The following IMPG1 variants were observed in gnomAD, a reference collection of about 807,000 sequenced individuals.
The protein encoded by IMPG1 is interphotoreceptor matrix proteoglycan 1, also known as interphotoreceptor matrix proteoglycan of 150 kDa.
A neutral mutation model predicts 92.0 loss-of-function variants in IMPG1; 85 were observed. The ratio of observed to expected loss-of-function variants is 0.92; its 90% confidence interval spans 0.78 to 1.11. The LOEUF is 1.11. Among genes scored for constraint, IMPG1 ranks in the 50% least tolerant of loss-of-function variants. The pLI, the probability that IMPG1 is intolerant of heterozygous loss-of-function variation, is 0.00. For missense variants in IMPG1, 1,022 were observed against 956.0 expected (o/e 1.07, Z -0.91); for synonymous variants, 367 against 334.1 (o/e 1.10, Z -1.08).
intron 12 of IMPG1, among the ~76,000 whole-genome samples, chr6:76,000,287 C>T (rs373495015): frequency 6.6e-6 from 1 of 152,154 alleles, no homozygotes; most frequent in African/African-American, 2.4e-5. Flanking sequence ...AAACTTATAA[C>T]ACATAAAATT....
chr6:75,933,594 G>A (rs1446391867), intron 14 of IMPG1, among the ~76,000 whole-genome samples: 2 of 152,102 alleles, frequency 1.3e-5, no homozygotes, highest in Non-Finnish European at 2.9e-5. Flanking sequence ...GTGGCTGCTC[G>A]TTAGCAGTTG....
intron 15 of IMPG1, among the ~76,000 whole-genome samples, chr6:75,930,304 T>A (rs912226657): frequency 1.3e-5 from 2 of 152,178 alleles, no homozygotes; most frequent in Admixed American, 1.3e-4. Flanking sequence ...GGAAACATTC[T>A]AAGTTAAAAA....
chr6:75,972,171 C>T (rs1782431574), intron 12 of IMPG1, among the ~76,000 whole-genome samples: 1 of 152,158 alleles, frequency 6.6e-6, no homozygotes, highest in African/African-American at 2.4e-5. Context: ...TTGTGCAGTA[C>T]TGTCCTGCAT....
chr6:75,965,063 T>C (rs1412244568), intron 12 of IMPG1, among the ~76,000 whole-genome samples: 1 of 152,222 alleles, frequency 6.6e-6, no homozygotes, highest in Non-Finnish European at 1.5e-5. Context: ...TAGTATTACA[T>C]TATATAGATG....
At chr6:76,005,843 T>C (rs1249504637) in intron 9 of IMPG1, among the ~76,000 whole-genome samples, 1 of 151,820 alleles carries the variant, frequency 6.6e-6, no homozygotes, top group South Asian at 2.1e-4. Context: ...TTCTTTCTTT[T>C]ATTTTTTTTT....
intron 12 of IMPG1, among the ~76,000 whole-genome samples, chr6:75,993,745 G>T (rs1229146898): frequency 6.6e-6 from 1 of 152,122 alleles, no homozygotes; most frequent in Non-Finnish European, 1.5e-5. Context: ...ATATTTTTAA[G>T]ATTTAAGATT....
At position 76,003,005 on chromosome 6, in the gene IMPG1, T is replaced by C; in HGVS notation, c.1213-9A>G. 1 of 1,605,994 alleles carries C rather than the reference T, an allele frequency of 6.2e-7. No individual in the cohort carries two copies. Among genetic ancestry groups the C allele is most frequent in the Non-Finnish European group, 8.5e-7 (1 of 1,172,798 alleles). On this transcript the variant is annotated splice_polypyrimidine_tract_variant and intron_variant, in intron 11 of 16. Coordinates refer to ENST00000369950, the MANE Select transcript of IMPG1 (RefSeq NM_001563.4). ...GGACTCAAAGTAGCATCCTGAAGAA[T>C]GAATTTTGCAAGACAGATGTTGAGA...
chr6:76,022,033 G>T, intron 6 of IMPG1, 83 bp downstream of exon 6: 1 of 713,752 alleles, frequency 1.4e-6, no homozygotes, highest in Admixed American at 1.9e-5. Flanking sequence ...TTTAAAGGAT[G>T]GTTTATCCAT....
At chr6:75,958,643 A>C (rs1220194481) in intron 12 of IMPG1, among the ~76,000 whole-genome samples, 1 of 151,736 alleles carries the variant, frequency 6.6e-6, no homozygotes, top group Admixed American at 6.6e-5. Flanking sequence ...TCAACCTCTG[A>C]CATCCTTTCT....
chr6:76,028,656 C>T (rs141164138), intron 4 of IMPG1, among the ~76,000 whole-genome samples: 2,698 of 152,196 alleles, frequency 0.018, 78 homozygotes, highest in African/African-American at 0.061. Context: ...GATGAAACCC[C>T]GTCTCTACTA....
At chr6:75,943,615 C>A (rs904454658) in intron 14 of IMPG1, among the ~76,000 whole-genome samples, 1 of 152,212 alleles carries the variant, frequency 6.6e-6, no homozygotes, top group Non-Finnish European at 1.5e-5. Flanking sequence ...TCCTTTATAG[C>A]AATACAAACA....
chr6:75,950,992 G>A lies in IMPG1; in HGVS notation c.1394C>T (p.Thr465Ile). 1.2e-6 allele frequency: 2 copies of A among 1,613,932 alleles called. No homozygotes were observed. Among genetic ancestry groups the A allele is most frequent in the Non-Finnish European group, 1.7e-6 (2 of 1,179,908 alleles). The change falls in exon 13 of 17, where the codon ACA becomes ATA. Residue 465 changes from threonine (T) to isoleucine (I), a missense_variant. Thr to Ile is a moderately conservative substitution (Grantham distance 89). This residue lies in a region of IMPG1 where 681 missense variants were observed against 583.6 expected (regional missense o/e 1.17). Coordinates refer to ENST00000369950, the MANE Select transcript of IMPG1 (RefSeq NM_001563.4). ...SIFSLTDQGT[T>I]DTMATDQTML... The stretch of plus-strand genomic sequence containing the variant: ...TGTCTGGTCAGTGGCCATTGTATCT[G>A]TGGTGCCTTGATCAGTCAGAGAGAA...
intron 12 of IMPG1, among the ~76,000 whole-genome samples, chr6:75,986,612 T>C (rs1388365527): frequency 1.3e-5 from 2 of 152,130 alleles, no homozygotes; most frequent in Non-Finnish European, 2.9e-5. Flanking sequence ...CTTGTCCTTA[T>C]CAAGCAAAGT....
At chr6:76,004,983 C>T (rs1314947877) in intron 10 of IMPG1, among the ~76,000 whole-genome samples, 1 of 152,120 alleles carries the variant, frequency 6.6e-6, no homozygotes, top group Non-Finnish European at 1.5e-5. Flanking sequence ...TTTGATTGTG[C>T]CAGGGTAACA....
chr6:76,007,328 A>G, intron 9 of IMPG1, 152 bp downstream of exon 9: 1 of 583,000 alleles, frequency 1.7e-6, no homozygotes, highest in South Asian at 2.6e-5. Flanking sequence ...CTACTGGACA[A>G]TTGTTCAATT....
At chr6:75,931,721 T>G (rs1289771266) in intron 14 of IMPG1, among the ~76,000 whole-genome samples, 2 of 152,264 alleles carry the variant, frequency 1.3e-5, no homozygotes, top group Non-Finnish European at 2.9e-5. Context: ...AGAGTCATTC[T>G]TTTGGATTAA....
chr6:76,025,216 A>C lies in IMPG1; in HGVS notation c.540T>G (p.Gly180=), dbSNP rs75779261. 1.1e-3 allele frequency: 1,818 copies of C among 1,603,276 alleles called. 16 individuals carry two copies. In the African/African-American group the frequency reaches 0.022, roughly 19 times the overall value. ...ISAEKTLGEP[G]ETIVISTDVA... ...TACCTGTTGAAATGACAATGGTTTC[A>C]CCAGGCTCTCCCAATGTCTTCTCTG... Residue 180 remains glycine, a synonymous_variant, in exon 5 of 17, where the codon GGT becomes GGG. Transcript: ENST00000369950.
chr6:75,922,924 GTAGACTT>G (rs1781453456), intron 16 of IMPG1, among the ~76,000 whole-genome samples: 1 of 151,684 alleles, frequency 6.6e-6, no homozygotes, highest in Non-Finnish European at 1.5e-5. Context: ...ATCCAGCACT[GTAGACTT>G]TAGATAAAGT....
Position 75,947,422 on chromosome 6 carries a change from G to A in IMPG1, c.1936C>T (p.Pro646Ser), listed in dbSNP as rs761616758. 4.3e-6 allele frequency: 7 copies of A among 1,613,668 alleles called. No homozygotes were observed. In the East Asian group the frequency reaches 1.3e-4, roughly 31 times the overall value. The change falls in exon 14 of 17, where the codon CCG becomes TCG. Residue 646 changes from proline (P) to serine (S), a missense_variant. This residue lies in a region of IMPG1 where 332 missense variants were observed against 346.2 expected (regional missense o/e 0.96). Transcript: ENST00000369950. Reference sequence around the variant, plus strand: ...TGCACAGCCTTGGTGAGGTTATACGGCACTGACTTAGCAAACTTCATTTTG... The same window carrying A: ...TGCACAGCCTTGGTGAGGTTATACGACACTGACTTAGCAAACTTCATTTTG... ...NSKMKFAKSV[P>S]YNLTKAVHGV...
Sources: allele counts gnomAD v4.1 joint callset (sites outside exome capture counted in the v4.1 genomes callset), GRCh38; gene constraint gnomAD v4.1.1; regional missense constraint gnomAD v4.1.1; transcripts MANE v1.5; gene names NCBI Gene and HGNC (gene_info 2026-07-23, HGNC 2026-07-21).